FSIP2: variants seen among roughly 807,000 people sequenced by gnomAD.
The protein encoded by FSIP2 is fibrous sheath interacting protein 2.
Under a neutral mutation model 510.5 loss-of-function variants are expected in FSIP2, and 367 were observed. The observed-to-expected ratio is 0.72, with a 90% CI of 0.66 to 0.78. FSIP2 has a LOEUF of 0.78. FSIP2 is among the 30% of genes least tolerant of loss of function. The pLI is 0.00. For missense variants in FSIP2, 7,594 were observed against 7,901.7 expected (o/e 0.96, Z 1.48); for synonymous variants, 2,601 against 2,732.2 (o/e 0.95, Z 1.50).
At chr2:185,827,993 G>C (rs1467087251) in intron 20 of FSIP2, among the ~76,000 whole-genome samples, 163 bp from the exon 21 acceptor site, 1 of 151,826 alleles carries the variant, frequency 6.6e-6, no homozygotes, top group Non-Finnish European at 1.5e-5. Flanking sequence ...ACTTATTTCA[G>C]TGTTGTTCCC....
intron 7 of FSIP2, among the ~76,000 whole-genome samples, chr2:185,748,752 T>C (rs192284493): frequency 2.4e-4 from 37 of 152,180 alleles, no homozygotes; most frequent in African/African-American, 8.4e-4. Flanking sequence ...GTAAGCATGA[T>C]AACACCACAG....
rs1034127705 is a variant in FSIP2 at position 185,803,668 on chromosome 2, A to G, written c.14362A>G (p.Met4788Val). The part of the protein sequence containing the change: ...QRQASTMYTT[M>V]LSHSHLEKIV... ...ACAAGCTTCAACAATGTATACCACT[A>G]TGTTATCACATAGTCATTTGGAAAA... Residue 4788 changes from methionine to valine, a missense_variant, in exon 17 of 23, where the codon ATG (methionine) becomes GTG (valine). Met to Val is a conservative substitution (Grantham distance 21). Transcript: ENST00000424728. The G allele has an allele frequency of 7.2e-6, 11 of 1,531,068 alleles. No homozygotes were observed. Among genetic ancestry groups the G allele is most frequent in the Non-Finnish European group, 7.0e-6 (8 of 1,143,664 alleles). 94.8% of individuals were successfully genotyped at this position (1,531,068 alleles called of 1,614,324 possible).
intron 5 of FSIP2, among the ~76,000 whole-genome samples, chr2:185,745,865 CT>C (rs1330022810): frequency 6.6e-6 from 1 of 151,948 alleles, no homozygotes; most frequent in African/African-American, 2.4e-5. Context: ...ACAGTAACAG[CT>C]TTTTAAGATT....
chr2:185,815,523 A>G, intron 19 of FSIP2, 52 bp downstream of exon 19: 1 of 854,452 alleles, frequency 1.2e-6, no homozygotes, highest in South Asian at 1.8e-5. Context: ...AGTAGAGCTT[A>G]TGAGTAGAAT....
In FSIP2 at chr2:185,791,269, T is replaced by A; in HGVS notation, c.4133T>A (p.Leu1378His). Residue 1378 changes from leucine to histidine, a missense_variant, in exon 16 of 23, where the codon CTC becomes CAC. Coordinates refer to ENST00000424728, the MANE Select transcript of FSIP2 (RefSeq NM_173651.4). ...AATGCACATCAAAGAAGCATTTCAC[T>A]CTCTTCTCGTAAGCCAAAGTCTGCA... ...SENAHQRSIS[L>H]SSRKPKSATD... The A allele has an allele frequency of 1.3e-6, 2 of 1,534,108 alleles. No homozygotes were observed. The highest frequency in any genetic ancestry group is 1.7e-4 in the Middle Eastern group (1 of 5,970).
At chr2:185,746,365 T>G (rs1031055945) in intron 5 of FSIP2, among the ~76,000 whole-genome samples, 1 of 152,066 alleles carries the variant, frequency 6.6e-6, no homozygotes, top group Non-Finnish European at 1.5e-5. Context: ...TTAAACCTAC[T>G]GAGTTATGAA....
In FSIP2 at chr2:185,757,526, A is replaced by G. The variant is rs185276293; in HGVS notation, c.1078+1248A>G. Among the ~76,000 whole-genome samples the G allele has an allele frequency of 2.9e-3, 432 of 151,502 alleles. 2 individuals are homozygous for G. Among genetic ancestry groups the G allele is most frequent in the African/African-American group, 9.9e-3 (412 of 41,456 alleles). On this transcript the variant is annotated intron_variant, in intron 9 of 22. Coordinates refer to ENST00000424728, the MANE Select transcript of FSIP2 (RefSeq NM_173651.4). Reference sequence around the variant, plus strand: ...TTTGTGAATTTTAAAAATACACAGTAGTGACATCACAAGTCATCATATGTT... The same window carrying G: ...TTTGTGAATTTTAAAAATACACAGTGGTGACATCACAAGTCATCATATGTT...
chr2:185,833,235 T>A lies in FSIP2; in HGVS notation c.*9T>A. On this transcript the variant is annotated 3_prime_UTR_variant, in exon 23 of 23. Transcript: ENST00000424728. Reference sequence around the variant, plus strand: ...ACCAGGATGAACACTGAAGCTTTTGTACCTGATATAAGTATGCTTACTTCT... The same window carrying A: ...ACCAGGATGAACACTGAAGCTTTTGAACCTGATATAAGTATGCTTACTTCT... The A allele has an allele frequency of 6.3e-7, 1 of 1,599,152 alleles. No individual in the cohort carries two copies. The highest frequency in any genetic ancestry group is 1.4e-5 in the African/African-American group (1 of 73,984).
Position 185,775,354 on chromosome 2 carries a change from G to A in FSIP2, c.1412-7351G>A, listed in dbSNP as rs1185410586. 3.3e-5 allele frequency among the ~76,000 whole-genome samples: 5 copies of A among 150,826 alleles called. No homozygotes were observed. In the South Asian group the frequency reaches 1.1e-3, roughly 32 times the overall value. ...CCAGTGATGGTGAGCATTTTTTCAT[G>A]TGTTTTTTGGCTGCATAAATGTCTT... On this transcript the variant is annotated intron_variant, in intron 13 of 22. Coordinates refer to ENST00000424728, the MANE Select transcript of FSIP2 (RefSeq NM_173651.4).
intron 5 of FSIP2, among the ~76,000 whole-genome samples, chr2:185,745,868 T>C (rs923829106): frequency 6.6e-6 from 1 of 152,148 alleles, no homozygotes; most frequent in African/African-American, 2.4e-5. Context: ...GTAACAGCTT[T>C]TTAAGATTCA....
rs1034694907 is a variant in FSIP2 at position 185,797,433 on chromosome 2, G to A, written c.10297G>A (p.Ala3433Thr). Residue 3433 changes from alanine (A) to threonine (T), a missense_variant, in exon 16 of 23, where the codon GCT (alanine) becomes ACT (threonine). Physicochemically the swap from Ala to Thr is moderately conservative, Grantham distance 58. Transcript: ENST00000424728. ...TVKEVEAFTF[A>T]DHEMGSNEVH... ...GAAGGAAGTTGAAGCCTTTACTTTTGCTGATCATGAAATGGGTTCCAATGA... is the reference window on the plus strand; with the variant it reads ...GAAGGAAGTTGAAGCCTTTACTTTTACTGATCATGAAATGGGTTCCAATGA... 2 of 1,531,768 alleles carry A rather than the reference G, an allele frequency of 1.3e-6. No homozygotes were observed. The highest frequency in any genetic ancestry group is 4.9e-5 in the East Asian group (2 of 40,804). The allele number at this position is 1,531,768 out of a possible 1,614,324, so 94.9% of individuals were successfully genotyped here.
At chr2:185,766,815 TG>T (rs1197416991) in intron 13 of FSIP2, among the ~76,000 whole-genome samples, 1 of 138,916 alleles carries the variant, frequency 7.2e-6, no homozygotes, top group Non-Finnish European at 1.6e-5. Context: ...ATCCCATTAC[TG>T]GGTATATACC....
rs1693147850 is a variant in FSIP2 at position 185,792,159 on chromosome 2, G to A, written c.5023G>A (p.Glu1675Lys). ...LKTSVENPPP[E>K]TQILKYVVKL... Reference sequence around the variant, plus strand: ...GACAAGTGTAGAAAACCCACCACCTGAGACTCAAATACTTAAGTATGTAGT... The same window carrying A: ...GACAAGTGTAGAAAACCCACCACCTAAGACTCAAATACTTAAGTATGTAGT... Residue 1675 changes from glutamate to lysine, a missense_variant, in exon 16 of 23, where the codon GAG becomes AAG. Physicochemically the swap from Glu to Lys is moderately conservative, Grantham distance 56. Coordinates refer to ENST00000424728, the MANE Select transcript of FSIP2 (RefSeq NM_173651.4). 4 of 1,532,944 alleles carry A rather than the reference G, an allele frequency of 2.6e-6. No individual in the cohort carries two copies. The highest frequency in any genetic ancestry group is 1.7e-6 in the Non-Finnish European group (2 of 1,145,048). The allele number at this position is 1,532,944 out of a possible 1,614,324, so 95.0% of individuals were successfully genotyped here.
In FSIP2 at chr2:185,801,784, A is replaced by G; in HGVS notation, c.12478A>G (p.Thr4160Ala). 1 of 1,502,912 alleles carries G rather than the reference A, an allele frequency of 6.7e-7. No individual in the cohort carries two copies. The highest frequency in any genetic ancestry group is 8.8e-7 in the Non-Finnish European group (1 of 1,130,784). 93.1% of individuals were successfully genotyped at this position (1,502,912 alleles called of 1,614,324 possible). The change falls in exon 17 of 23, where the codon ACA becomes GCA. Residue 4160 changes from threonine (T) to alanine (A), a missense_variant. Transcript: ENST00000424728. ...ATCTCAGCTAATTCCTCCACCCATT[A>G]CATGTTCCTCTTTAGGAAAAAAATA... ...LLSQLIPPPI[T>A]CSSLGKKYLM... is the part of the protein sequence containing the mutation.
rs2105608278 is a variant in FSIP2 at position 185,788,708 on chromosome 2, C to A, written c.1572C>A (p.Thr524=). The part of the protein sequence containing the change: ...NVMTWVVATV[T]SILYPAITKY... ...TGACCTGGGTTGTGGCTACAGTGACCAGTATATTGTACCCAGCCATCACAA... is the reference window on the plus strand; with the variant it reads ...TGACCTGGGTTGTGGCTACAGTGACAAGTATATTGTACCCAGCCATCACAA... Residue 524 remains threonine (T), a synonymous_variant, in exon 16 of 23, where the codon ACC becomes ACA. Transcript: ENST00000424728. 6.5e-7 allele frequency: 1 copy of A among 1,532,828 alleles called. No homozygotes were observed. The highest frequency in any genetic ancestry group is 8.7e-7 in the Non-Finnish European group (1 of 1,144,604). 95.0% of individuals were successfully genotyped at this position (1,532,828 alleles called of 1,614,324 possible).
intron 13 of FSIP2, among the ~76,000 whole-genome samples, chr2:185,781,151 T>C (rs541251368): frequency 3.1e-4 from 47 of 152,206 alleles, no homozygotes; most frequent in Non-Finnish European, 5.6e-4. Context: ...GTTGGACTTA[T>C]GATTTTTCAA....
chr2:185,766,511 A>T (rs1413454356), intron 13 of FSIP2: 2 of 148,006 alleles, frequency 1.4e-5, no homozygotes, highest in Admixed American at 6.7e-5. Flanking sequence ...GGTGAAGGAC[A>T]TGAACAGACA....
In FSIP2 at chr2:185,798,148, T is replaced by C. The variant is rs569980643; in HGVS notation, c.10390+622T>C. Among the ~76,000 whole-genome samples the C allele has an allele frequency of 1.2e-4, 18 of 152,036 alleles. 1 individual carries two copies. The South Asian group carries it at 3.7e-3, about 31-fold the overall frequency. On this transcript the variant is annotated intron_variant, in intron 16 of 22. Coordinates refer to ENST00000424728, the MANE Select transcript of FSIP2 (RefSeq NM_173651.4). ...GGAGATTTTGGTTGAGCATGAGGCA[T>C]AAATTTGGAAGGGTTTTTAAAATTC...
intron 22 of FSIP2, among the ~76,000 whole-genome samples, chr2:185,832,510 T>C (rs774773050): frequency 4.0e-4 from 61 of 151,896 alleles, no homozygotes; most frequent in Non-Finnish European, 7.8e-4. Context: ...AACACAGGAT[T>C]TTAGTGGCCC....
Sources: gnomAD v4.1 joint callset for allele counts (sites outside exome capture counted in the v4.1 genomes callset) on GRCh38, gnomAD v4.1.1 for gene constraint, MANE v1.5 for transcripts, NCBI Gene and HGNC (gene_info 2026-07-23, HGNC 2026-07-21) for gene names.